The following MDGA1 variants were observed in gnomAD, a reference collection of about 807,000 sequenced individuals.
MDGA1 encodes the protein MAM domain containing glycosylphosphatidylinositol anchor 1.
In MDGA1, 54 loss-of-function variants were observed where a neutral mutation model predicts 101.5. The observed-to-expected ratio is 0.53, with a 90% CI of 0.43 to 0.67. The LOEUF (loss-of-function observed/expected upper bound fraction) is 0.67. MDGA1 is among the 30% of genes least tolerant of loss of function. MDGA1 has a pLI of 0.00. For synonymous variants in MDGA1, 533 were observed against 558.3 expected, an observed-to-expected ratio of 0.95 and a Z score of 0.64; for missense variants, 1,083 against 1,323.8, an observed-to-expected ratio of 0.82 and a Z score of 2.82.
chr6:37,684,305 G>A (rs927132716), intron 1 of MDGA1, among the ~76,000 whole-genome samples: 3 of 152,186 alleles, frequency 2.0e-5, no homozygotes, highest in African/African-American at 4.8e-5. Flanking sequence ...CCACAAGGGC[G>A]GGGGAAGCCC....
chr6:37,654,762 C>G lies in MDGA1; in HGVS notation c.712+38G>C, dbSNP rs372089645. ...ACTATCTCCTGGTTGGGAGTTAGCTCAGGTAGGGAAGGAGTATGGGGAGGA... is the reference window on the plus strand; with the variant it reads ...ACTATCTCCTGGTTGGGAGTTAGCTGAGGTAGGGAAGGAGTATGGGGAGGA... On this transcript the variant is annotated intron_variant, in intron 5 of 16. Transcript: ENST00000434837. 26 of 1,611,586 alleles carry G rather than the reference C, an allele frequency of 1.6e-5. No homozygotes were observed. In the African/African-American group the frequency reaches 3.2e-4, roughly 20 times the overall value.
At chr6:37,687,419 G>T (rs78431881) in intron 1 of MDGA1, among the ~76,000 whole-genome samples, 2 of 120,194 alleles carry the variant, frequency 1.7e-5, no homozygotes, top group African/African-American at 6.6e-5. Context: ...AAAAAAAAAA[G>T]TTAGCCGGGC....
At chr6:37,681,753 TACAC>T (rs3997719) in intron 1 of MDGA1, among the ~76,000 whole-genome samples, 1 of 151,884 alleles carries the variant, frequency 6.6e-6, no homozygotes, top group South Asian at 2.1e-4. Context: ...TATACACAGA[TACAC>T]ACACACACAC....
At chr6:37,663,886 T>C (rs899416192) in intron 2 of MDGA1, 81 bp downstream of exon 2, 28 of 1,517,560 alleles carry the variant, frequency 1.8e-5, no homozygotes, top group Non-Finnish European at 2.5e-5. Flanking sequence ...AGTCCTCATC[T>C]CCTGCTGCCT....
At chr6:37,675,926 G>A (rs937440307) in intron 1 of MDGA1, among the ~76,000 whole-genome samples, 9 of 152,280 alleles carry the variant, frequency 5.9e-5, no homozygotes, top group South Asian at 2.1e-4. Context: ...CCAAGCCCAC[G>A]GAAACAGTAA....
intron 9 of MDGA1, chr6:37,648,227 C>G (rs6907166): frequency 0.65 from 98,998 of 152,244 alleles, 32,261 homozygotes; most frequent in African/African-American, 0.68. Context: ...TGCCAGCTCA[C>G]GAAACGTGTG....
chr6:37,663,460 ACTGGTT>A (rs1233338309), intron 2 of MDGA1, among the ~76,000 whole-genome samples: 1 of 152,192 alleles, frequency 6.6e-6, no homozygotes, highest in Non-Finnish European at 1.5e-5. Flanking sequence ...CTAAGAGGAC[ACTGGTT>A]CTGGATTCAA....
intron 1 of MDGA1, among the ~76,000 whole-genome samples, chr6:37,679,423 A>C (rs1762047349): frequency 6.6e-6 from 1 of 152,142 alleles, no homozygotes; most frequent in Non-Finnish European, 1.5e-5. Context: ...GGGCTTGTGC[A>C]AAACACCTGT....
At chr6:37,669,116 G>A (rs933766834) in intron 1 of MDGA1, among the ~76,000 whole-genome samples, 2 of 152,128 alleles carry the variant, frequency 1.3e-5, no homozygotes, top group African/African-American at 4.8e-5. Flanking sequence ...AAAGTGCTGG[G>A]ATTACAGGCA....
intron 1 of MDGA1, among the ~76,000 whole-genome samples, chr6:37,690,605 C>T (rs1457988748): frequency 2.0e-5 from 3 of 151,944 alleles, no homozygotes; most frequent in Non-Finnish European, 2.9e-5. Flanking sequence ...GGTGAAACCC[C>T]GTCTCTACTA....
intron 1 of MDGA1, chr6:37,664,344 C>A (rs1761694946): frequency 1.9e-6 from 1 of 519,666 alleles, no homozygotes; most frequent in Admixed American, 3.1e-5. Flanking sequence ...GAGAGCTGTG[C>A]TTTTCAGTGG....
chr6:37,692,912 T>A (rs1051597380), intron 1 of MDGA1, among the ~76,000 whole-genome samples: 1 of 152,088 alleles, frequency 6.6e-6, no homozygotes, highest in African/African-American at 2.4e-5. Context: ...CAGATTCCCA[T>A]CCTGTAATGT....
At position 37,631,826 on chromosome 6, in the gene MDGA1, G is replaced by A. The variant is rs919190322; in HGVS notation, c.*5542C>T. On this transcript the variant is annotated 3_prime_UTR_variant, in exon 17 of 17. Transcript: ENST00000434837. ...GGCAAGGATGCAGCTAGCTGGTGGT[G>A]AATAAGGGAGGCAGCCCCAAGTAGG... 1.3e-5 allele frequency: 2 copies of A among 152,228 alleles called. No homozygotes were observed. The highest frequency in any genetic ancestry group is 2.9e-5 in the Non-Finnish European group (2 of 68,022). The allele number at this position is 152,228 out of a possible 1,614,324, so 9.4% of individuals were successfully genotyped here.
rs117419789 is a variant in MDGA1, at chr6:37,667,585, T to A, written c.68-3479A>T. Among the ~76,000 whole-genome samples the A allele has an allele frequency of 5.9e-5, 9 of 152,212 alleles. No homozygotes were observed. The East Asian group carries it at 1.7e-3, about 29-fold the overall frequency. On this transcript the variant is annotated intron_variant, in intron 1 of 16. Transcript: ENST00000434837. ...AAGAGATAGCCATCTGTGGCCAAAG[T>A]CCTCGGGAAATCTCATCAAGAAACA...
rs975373165 is a variant in MDGA1 at position 37,635,649 on chromosome 6, G to C, written c.*1719C>G. On this transcript the variant is annotated 3_prime_UTR_variant, in exon 17 of 17. Coordinates refer to ENST00000434837, the MANE Select transcript of MDGA1 (RefSeq NM_153487.4). Reference sequence around the variant, plus strand: ...GCCTCCTGGCACTGCAGTGCTGCCCGAGTTCCAGGCCTCTTCTCTGCAGCT... The same window carrying C: ...GCCTCCTGGCACTGCAGTGCTGCCCCAGTTCCAGGCCTCTTCTCTGCAGCT... 1.0e-5 allele frequency: 4 copies of C among 398,540 alleles called. No individual in the cohort carries two copies. Among genetic ancestry groups the C allele is most frequent in the Admixed American group, 4.4e-5 (1 of 22,716 alleles). The allele number at this position is 398,540 out of a possible 1,614,324, so 24.7% of individuals were successfully genotyped here.
chr6:37,650,412 G>A lies in MDGA1; in HGVS notation c.1313-7C>T. 1 of 1,529,722 alleles carries A rather than the reference G, an allele frequency of 6.5e-7. No homozygotes were observed. Among genetic ancestry groups the A allele is most frequent in the Admixed American group, 1.9e-5 (1 of 53,770 alleles). The allele number at this position is 1,529,722 out of a possible 1,614,324, so 94.8% of individuals were successfully genotyped here. On this transcript the variant is annotated splice_polypyrimidine_tract_variant and splice_region_variant and intron_variant, in intron 7 of 16. Coordinates refer to ENST00000434837, the MANE Select transcript of MDGA1 (RefSeq NM_153487.4). ...ACACTGATGGTGGGCGGCACTGTGG[G>A]GGTGATGGTGATCAGCGGAGAGGTA... is the stretch of plus-strand genomic sequence containing the variant.
At chr6:37,666,315 G>C (rs570328307) in intron 1 of MDGA1, among the ~76,000 whole-genome samples, 1 of 146,040 alleles carries the variant, frequency 6.8e-6, no homozygotes, top group African/African-American at 2.6e-5. Flanking sequence ...AGCAGAGATC[G>C]AGCCACTGCA....
chr6:37,649,509 C>T (rs1238123263), intron 8 of MDGA1, among the ~76,000 whole-genome samples: 1 of 152,212 alleles, frequency 6.6e-6, no homozygotes, highest in East Asian at 1.9e-4. Flanking sequence ...CCTCCAGTCA[C>T]GCCCTAAGTG....
At position 37,652,934 on chromosome 6, in the gene MDGA1, T is replaced by C. The variant is rs1761402168; in HGVS notation, c.983-594A>G. The stretch of plus-strand genomic sequence containing the variant: ...TTCACTCTTTTGTGCTGTTTGACTC[T>C]TTGTAATAAGTGAGTGTAATTTTTG... On this transcript the variant is annotated intron_variant, in intron 6 of 16. Coordinates refer to ENST00000434837, the MANE Select transcript of MDGA1 (RefSeq NM_153487.4). This position sits in a 1 kb window ranked among gnomAD's most constrained non-coding sequence, Gnocchi z 4.3. Among the ~76,000 whole-genome samples the C allele has an allele frequency of 6.6e-6, 1 of 152,244 alleles. No individual in the cohort carries two copies. The highest frequency in any genetic ancestry group is 2.4e-5 in the African/African-American group (1 of 41,470).
Sources: allele counts gnomAD v4.1 joint callset (sites outside exome capture counted in the v4.1 genomes callset), GRCh38; gene constraint gnomAD v4.1.1; non-coding constraint Gnocchi (gnomAD v3.1); transcripts MANE v1.5; gene names NCBI Gene and HGNC (gene_info 2026-07-23, HGNC 2026-07-21).